ACVR1C: variants seen among roughly 807,000 people sequenced by gnomAD.
ACVR1C encodes activin receptor type-1C.
Under a neutral mutation model 57.9 loss-of-function variants are expected in ACVR1C, and 23 were observed. The ratio of observed to expected loss-of-function variants is 0.40; its 90% confidence interval spans 0.29 to 0.56. ACVR1C has a LOEUF of 0.56. Among genes scored for constraint, ACVR1C ranks in the 20% least tolerant of loss-of-function variants. ACVR1C has a pLI of 0.50. For synonymous variants in ACVR1C, 214 were observed against 215.3 expected (o/e 0.99, Z 0.05); for missense variants, 480 against 607.9 (o/e 0.79, Z 2.21).
Position 157,544,588 on chromosome 2 carries a change from C to A in ACVR1C, c.800G>T (p.Trp267Leu). ...CTGTTCATGATATTCAGATACCAGC[C>A]AAAGTTGAGTCCAAGTTCCATTATC... ...NKDNGTWTQL[W>L]LVSEYHEQGS... Residue 267 changes from tryptophan (W) to leucine (L), a missense_variant, in exon 5 of 9, where the codon TGG (tryptophan) becomes TTG (leucine). By Grantham distance (61) the Trp-to-Leu change is moderately conservative. Transcript: ENST00000243349. The A allele has an allele frequency of 6.2e-7, 1 of 1,611,462 alleles. No individual in the cohort carries two copies.
chr2:157,537,865 C>T (rs1298738669), intron 8 of ACVR1C, among the ~76,000 whole-genome samples: 2 of 152,166 alleles, frequency 1.3e-5, no homozygotes, highest in Non-Finnish European at 2.9e-5. Flanking sequence ...TAACCACTTA[C>T]TATTTGTCTA....
intron 1 of ACVR1C, among the ~76,000 whole-genome samples, chr2:157,614,820 A>G (rs1160998019): frequency 6.6e-6 from 1 of 152,132 alleles, no homozygotes; most frequent in Non-Finnish European, 1.5e-5. Context: ...TCTTATAGTT[A>G]GTGTGTGCAT....
In ACVR1C at chr2:157,582,133, C is replaced by A. The variant is rs1688804601; in HGVS notation, c.304+5054G>T. ...ATGAGTTTAAGATACGCCTGTGCAACATTGTAGGACCCCATCTCAAAAAAA... is the reference window on the plus strand; with the variant it reads ...ATGAGTTTAAGATACGCCTGTGCAAAATTGTAGGACCCCATCTCAAAAAAA... On this transcript the variant is annotated intron_variant, in intron 2 of 8. Transcript: ENST00000243349. 2.0e-5 allele frequency among the ~76,000 whole-genome samples: 3 copies of A among 152,152 alleles called. No individual in the cohort carries two copies. The South Asian group carries it at 6.2e-4, about 32-fold the overall frequency.
At chr2:157,594,545 T>C (rs1682039417) in intron 1 of ACVR1C, among the ~76,000 whole-genome samples, 1 of 152,156 alleles carries the variant, frequency 6.6e-6, no homozygotes, top group Non-Finnish European at 1.5e-5. Flanking sequence ...TATTAAAAAT[T>C]GTTTATCCTG....
chr2:157,600,262 A>G (rs77966036), intron 1 of ACVR1C, among the ~76,000 whole-genome samples: 7,594 of 152,310 alleles, frequency 0.05, 365 homozygotes, highest in African/African-American at 0.13. Flanking sequence ...AAAGTAGAGA[A>G]GATAGCAACC....
intron 1 of ACVR1C, among the ~76,000 whole-genome samples, chr2:157,593,726 T>C (rs568607198): frequency 6.6e-6 from 1 of 152,300 alleles, no homozygotes; most frequent in Admixed American, 6.5e-5. Flanking sequence ...CCTTTTCTAT[T>C]CCTTGTCAAA....
In ACVR1C at chr2:157,580,255, A is replaced by G. The variant is rs189184253; in HGVS notation, c.304+6932T>C. On this transcript the variant is annotated intron_variant, in intron 2 of 8. Coordinates refer to ENST00000243349, the MANE Select transcript of ACVR1C (RefSeq NM_145259.3). ...ATTCATTTTTATTTTAGTTTTCATC[A>G]AGTCAATTATATCTTTCTTCTCCTT... 2.7e-3 allele frequency among the ~76,000 whole-genome samples: 404 copies of G among 152,026 alleles called. 3 individuals carry two copies. The highest frequency in any genetic ancestry group is 0.01 in the Middle Eastern group (3 of 294).
At chr2:157,585,210 G>A (rs1217846687) in intron 2 of ACVR1C, among the ~76,000 whole-genome samples, 1 of 152,186 alleles carries the variant, frequency 6.6e-6, no homozygotes, top group East Asian at 1.9e-4. Flanking sequence ...ATAAAGGTTT[G>A]AGATTATGAA....
chr2:157,614,873 C>T (rs1682606860), intron 1 of ACVR1C, among the ~76,000 whole-genome samples: 1 of 152,108 alleles, frequency 6.6e-6, no homozygotes, highest in Non-Finnish European at 1.5e-5. Context: ...CTATTTGTCT[C>T]TTTGTATTTA....
At chr2:157,598,469 C>G (rs1054229396) in intron 1 of ACVR1C, among the ~76,000 whole-genome samples, 6 of 151,302 alleles carry the variant, frequency 4.0e-5, no homozygotes, top group Admixed American at 3.9e-4. Flanking sequence ...AAAATCAAGG[C>G]TATCTTTTAA....
At chr2:157,612,174 G>A (rs1448195667) in intron 1 of ACVR1C, among the ~76,000 whole-genome samples, 1 of 152,174 alleles carries the variant, frequency 6.6e-6, no homozygotes, top group Non-Finnish European at 1.5e-5. Context: ...GAGCTCTTAG[G>A]TTCTGGGTAG....
chr2:157,546,799 C>T (rs908729696), intron 4 of ACVR1C, among the ~76,000 whole-genome samples: 1 of 151,858 alleles, frequency 6.6e-6, no homozygotes, highest in Non-Finnish European at 1.5e-5. Flanking sequence ...TTTATGAGTA[C>T]TTATTTTATT....
chr2:157,554,325 AAGAAAG>A (rs1688032820), intron 3 of ACVR1C, among the ~76,000 whole-genome samples: 1 of 145,406 alleles, frequency 6.9e-6, no homozygotes, highest in Non-Finnish European at 1.5e-5. Flanking sequence ...GAAAAAGAAA[AAGAAAG>A]AGAAAGAGAG....
At chr2:157,596,176 C>T (rs1682103079) in intron 1 of ACVR1C, among the ~76,000 whole-genome samples, 1 of 152,142 alleles carries the variant, frequency 6.6e-6, no homozygotes, top group Non-Finnish European at 1.5e-5. Context: ...TTTAAAGTTT[C>T]TTCTCAATTT....
chr2:157,545,515 C>A (rs1279017390), intron 4 of ACVR1C, among the ~76,000 whole-genome samples: 1 of 152,198 alleles, frequency 6.6e-6, no homozygotes, highest in Non-Finnish European at 1.5e-5. Flanking sequence ...CTTACTCACA[C>A]CTCTCTCCCT....
At chr2:157,576,830 A>ATTT (rs1688665585) in intron 2 of ACVR1C, among the ~76,000 whole-genome samples, 5 of 68,298 alleles carry the variant, frequency 7.3e-5, no homozygotes, top group African/African-American at 2.9e-4. Flanking sequence ...GGGCTTTGAA[A>ATTT]TTTTCTTTTT....
chr2:157,567,111 C>CA (rs2105236590), intron 2 of ACVR1C, among the ~76,000 whole-genome samples: 1 of 92,256 alleles, frequency 1.1e-5, no homozygotes, highest in Admixed American at 1.1e-4. Context: ...GGCACACTGA[C>CA]ACCTCACACG....
chr2:157,628,787 T>A lies in ACVR1C; in HGVS notation c.-143A>T. On this transcript the variant is annotated 5_prime_UTR_variant, in exon 1 of 9. Coordinates refer to ENST00000243349, the MANE Select transcript of ACVR1C (RefSeq NM_145259.3). ...TTTTGAAGTGCGCGGTTGGCTCTAG[T>A]CAGTGTGGGCGCCCCCCTCCCCGGC... The A allele has an allele frequency of 3.2e-6, 2 of 621,532 alleles. No individual in the cohort carries two copies. The highest frequency in any genetic ancestry group is 5.0e-6 in the Non-Finnish European group (2 of 397,790). The allele number at this position is 621,532 out of a possible 1,614,324, so 38.5% of individuals were successfully genotyped here.
chr2:157,582,123 G>A (rs1042782319), intron 2 of ACVR1C, among the ~76,000 whole-genome samples: 4 of 152,084 alleles, frequency 2.6e-5, no homozygotes, highest in South Asian at 4.2e-4. Flanking sequence ...TTTAAGATAC[G>A]CCTGTGCAAC....
Sources: gnomAD v4.1 joint callset for allele counts (sites outside exome capture counted in the v4.1 genomes callset) on GRCh38, gnomAD v4.1.1 for gene constraint, MANE v1.5 for transcripts, NCBI Gene and HGNC (gene_info 2026-07-23, HGNC 2026-07-21) for gene names.